The following AKAP6 variants were observed in gnomAD, a reference collection of about 807,000 sequenced individuals.
AKAP6 encodes A-kinase anchor protein 6.
Under a neutral mutation model 188.5 loss-of-function variants are expected in AKAP6, and 58 were observed. The observed-to-expected ratio is 0.31, with a 90% CI of 0.25 to 0.38. The LOEUF (loss-of-function observed/expected upper bound fraction) is 0.38. Ranked by LOEUF, AKAP6 falls within the 10% of genes least tolerant of loss-of-function variation. The pLI, the probability that AKAP6 is intolerant of heterozygous loss-of-function variation, is 1.00. For synonymous variants in AKAP6, 989 were observed against 998.6 expected (o/e 0.99, Z 0.18); for missense variants, 2,710 against 2,740.0 (o/e 0.99, Z 0.24).
At position 32,830,171 on chromosome 14, in the gene AKAP6, A is replaced by C. The variant is rs560507584; in HGVS notation, c.*366A>C. ...ACTCTTTAAAGTTCTGCAGTTCACC[A>C]ACTGGTAGTCCATTAAATTCTCCTG... On this transcript the variant is annotated 3_prime_UTR_variant, in exon 14 of 14. Transcript: ENST00000280979. The C allele has an allele frequency of 2.2e-4, 116 of 530,216 alleles. No individual in the cohort carries two copies. Among genetic ancestry groups the C allele is most frequent in the Middle Eastern group, 7.9e-4 (2 of 2,544 alleles). The allele number at this position is 530,216 out of a possible 1,614,324, so 32.8% of individuals were successfully genotyped here. A position where few individuals can be genotyped will look rare whatever the true frequency, so the allele number is the denominator to read the frequency against.
intron 2 of AKAP6, among the ~76,000 whole-genome samples, chr14:32,528,143 G>A (rs919708191): frequency 2.0e-5 from 3 of 152,160 alleles, no homozygotes; most frequent in African/African-American, 7.2e-5. Flanking sequence ...TAAGGTCTAT[G>A]TCTAGGATTA....
At chr14:32,551,266 A>G (rs2139174032) in intron 4 of AKAP6, among the ~76,000 whole-genome samples, 1 of 152,244 alleles carries the variant, frequency 6.6e-6, no homozygotes. Context: ...GACTACTCTG[A>G]CCATCTTTTA....
At chr14:32,678,278 A>G (rs766076788) in intron 7 of AKAP6, 33 bp from the exon 8 acceptor site, 8 of 1,590,914 alleles carry the variant, frequency 5.0e-6, no homozygotes, top group Non-Finnish European at 6.9e-6. Context: ...CTTCTGGATT[A>G]AAACAGCAAT....
intron 9 of AKAP6, among the ~76,000 whole-genome samples, chr14:32,701,406 T>A (rs1263036251): frequency 6.6e-6 from 1 of 152,114 alleles, no homozygotes; most frequent in Non-Finnish European, 1.5e-5. Context: ...ATACTTTCTA[T>A]AAGAAAAAGA....
chr14:32,511,396 G>T lies in AKAP6; in HGVS notation c.325-24158G>T, dbSNP rs778582685. 6.1e-5 allele frequency among the ~76,000 whole-genome samples: 9 copies of T among 146,490 alleles called. 1 individual carries two copies. In the South Asian group the frequency reaches 8.7e-4, roughly 14 times the overall value. The stretch of plus-strand genomic sequence containing the variant: ...GGTTTTTTTTTTTTTTTTTTGAGAC[G>T]GAGTCTCACTCTGTGGTCCAGGCTG... On this transcript the variant is annotated intron_variant, in intron 2 of 13. Coordinates refer to ENST00000280979, the MANE Select transcript of AKAP6 (RefSeq NM_004274.5).
At chr14:32,390,371 T>G (rs985466495) in intron 1 of AKAP6, among the ~76,000 whole-genome samples, 4 of 152,170 alleles carry the variant, frequency 2.6e-5, no homozygotes, top group African/African-American at 9.7e-5. Context: ...TTCTTTTTGA[T>G]TTGGGTCCAT....
chr14:32,683,032 C>T (rs973604598), intron 8 of AKAP6, among the ~76,000 whole-genome samples: 7 of 114,614 alleles, frequency 6.1e-5, no homozygotes, highest in African/African-American at 1.9e-4. Context: ...CTTGCTCTGT[C>T]GCCCAGGCTG....
At chr14:32,406,652 T>A (rs1889306056) in intron 1 of AKAP6, among the ~76,000 whole-genome samples, 1 of 152,200 alleles carries the variant, frequency 6.6e-6, no homozygotes, top group African/African-American at 2.4e-5. Context: ...TTTATTATTG[T>A]TTTACAATTC....
intron 5 of AKAP6, among the ~76,000 whole-genome samples, chr14:32,592,978 C>T (rs551101181): frequency 4.1e-5 from 6 of 144,850 alleles, no homozygotes; most frequent in Admixed American, 1.4e-4. Flanking sequence ...GACTGCAATT[C>T]CTTGTTTACA....
intron 2 of AKAP6, among the ~76,000 whole-genome samples, chr14:32,482,914 T>C (rs1879428392): frequency 6.6e-6 from 1 of 152,098 alleles, no homozygotes. Context: ...GTAATGTGAC[T>C]ATATCTGTGA....
At position 32,828,504 on chromosome 14, in the gene AKAP6, CTA is replaced by C. The variant is rs1407210714; in HGVS notation, c.*43-1342_*43-1341del. On this transcript the variant is annotated intron_variant, in intron 13 of 13. Transcript: ENST00000280979. ...GATGTTACTGGGCATCACCTATCAT[CTA>C]TCTCTCTCTCTCTCTCTCTCTCTCA... is the stretch of plus-strand genomic sequence containing the variant. 6.4e-4 allele frequency among the ~76,000 whole-genome samples: 79 copies of C among 124,332 alleles called. 1 individual carries two copies. The highest frequency in any genetic ancestry group is 1.5e-3 in the Admixed American group (17 of 11,620). The allele number at this position is 124,332 out of a possible 152,430, so 81.6% of individuals were successfully genotyped here.
intron 3 of AKAP6, among the ~76,000 whole-genome samples, chr14:32,544,911 G>T (rs1883125626): frequency 6.6e-6 from 1 of 152,118 alleles, no homozygotes; most frequent in Admixed American, 6.5e-5. Flanking sequence ...CTTTGTTTAT[G>T]AAATTCTTAT....
At chr14:32,420,385 C>A (rs1372722681) in intron 1 of AKAP6, among the ~76,000 whole-genome samples, 1 of 151,964 alleles carries the variant, frequency 6.6e-6, no homozygotes, top group Non-Finnish European at 1.5e-5. Context: ...TGCACATGCA[C>A]ACAATTCCCA....
intron 2 of AKAP6, among the ~76,000 whole-genome samples, chr14:32,476,986 G>A (rs1344252025): frequency 6.6e-6 from 1 of 152,170 alleles, no homozygotes; most frequent in African/African-American, 2.4e-5. Flanking sequence ...AAGGTTTCCT[G>A]ATTTGCAATT....
intron 11 of AKAP6, among the ~76,000 whole-genome samples, chr14:32,768,659 CTA>C (rs1434760178): frequency 6.6e-6 from 1 of 152,108 alleles, no homozygotes; most frequent in African/African-American, 2.4e-5. Flanking sequence ...CATAAAATTT[CTA>C]TTACTATTTT....
At chr14:32,453,562 G>T (rs1040344813) in intron 2 of AKAP6, among the ~76,000 whole-genome samples, 4 of 126,412 alleles carry the variant, frequency 3.2e-5, no homozygotes, top group Non-Finnish European at 5.2e-5. Flanking sequence ...GGAGATAATA[G>T]AATTTTTCTT....
intron 2 of AKAP6, among the ~76,000 whole-genome samples, chr14:32,457,860 T>G (rs1308182666): frequency 1.3e-5 from 2 of 152,252 alleles, no homozygotes; most frequent in African/African-American, 4.8e-5. Flanking sequence ...ACATTTCCAT[T>G]CACTTGCCTG....
intron 9 of AKAP6, among the ~76,000 whole-genome samples, chr14:32,730,306 C>T (rs1276859282): frequency 2.0e-5 from 3 of 152,030 alleles, no homozygotes; most frequent in East Asian, 1.9e-4. Context: ...TTTAGACAGT[C>T]GGCTATATGG....
intron 2 of AKAP6, among the ~76,000 whole-genome samples, chr14:32,491,744 T>A (rs1880027045): frequency 6.6e-6 from 1 of 152,216 alleles, no homozygotes; most frequent in African/African-American, 2.4e-5. Context: ...CTTTTAAAAA[T>A]TAATCTTATG....
Sources: allele counts gnomAD v4.1 joint callset (sites outside exome capture counted in the v4.1 genomes callset), GRCh38; gene constraint gnomAD v4.1.1; transcripts MANE v1.5; gene names NCBI Gene and HGNC (gene_info 2026-07-23, HGNC 2026-07-21).